Variants in BPTF observed in about 807,000 individuals in gnomAD.
The protein encoded by BPTF is nucleosome-remodeling factor subunit BPTF.
In BPTF, 18 loss-of-function variants were observed where a neutral mutation model predicts 292.5. That is an observed-to-expected ratio of 0.06 (90% CI 0.04 to 0.09). The LOEUF (loss-of-function observed/expected upper bound fraction) is 0.09, where lower values mean the gene tolerates loss of function less well. Ranked by LOEUF, BPTF falls within the 10% of genes least tolerant of loss-of-function variation. BPTF has a pLI of 1.00. For synonymous variants in BPTF, 1,225 were observed against 1,251.9 expected, an observed-to-expected ratio of 0.98 and a Z score of 0.45; for missense variants, 2,726 against 3,498.7, an observed-to-expected ratio of 0.78 and a Z score of 5.57.
chr17:67,903,993 C>T (rs1427956276), intron 8 of BPTF, 75 bp downstream of exon 8: 9 of 1,229,676 alleles, frequency 7.3e-6, no homozygotes, highest in Non-Finnish European at 9.1e-6. Context: ...TGAATACTTA[C>T]TAATTTTATT....
intron 8 of BPTF, 55 bp from the exon 9 acceptor site, chr17:67,904,647 G>C (rs1387420609): frequency 7.4e-7 from 1 of 1,344,550 alleles, no homozygotes; most frequent in Non-Finnish European, 1.0e-6. Context: ...ACCACATGTG[G>C]TTTATAAGCA....
Position 67,825,992 on chromosome 17 carries a change from C to T in BPTF, c.268C>T (p.Pro90Ser). ...GCCGGCCCCCCCCAGCACCAGCGCC[C>T]CGGGCCGGGGGGGGCGAGGAGGCGG... ...PPPAPPSTSA[P>S]GRGGRGGGGG... Residue 90 changes from proline to serine, a missense_variant, in exon 1 of 28, where the codon CCG (proline) becomes TCG (serine). Transcript: ENST00000306378. 1.8e-6 allele frequency: 2 copies of T among 1,115,042 alleles called. No homozygotes were observed. Among genetic ancestry groups the T allele is most frequent in the Middle Eastern group, 3.8e-4 (1 of 2,602 alleles). The allele number at this position is 1,115,042 out of a possible 1,614,324, so 69.1% of individuals were successfully genotyped here. A position where few individuals can be genotyped will look rare whatever the true frequency, so the allele number is the denominator to read the frequency against.
chr17:67,939,650 G>T (rs1468056007), intron 18 of BPTF, among the ~76,000 whole-genome samples: 1 of 152,156 alleles, frequency 6.6e-6, no homozygotes, highest in African/African-American at 2.4e-5. Flanking sequence ...GGCCAAGGCG[G>T]GTGGATCACG....
chr17:67,829,481 C>CG (rs1476076490), intron 1 of BPTF, among the ~76,000 whole-genome samples: 4 of 151,260 alleles, frequency 2.6e-5, no homozygotes, highest in African/African-American at 7.3e-5. Context: ...CCCCACCCCC[C>CG]GGATGTGACA....
chr17:67,893,477 G>T lies in BPTF; in HGVS notation c.2163G>T (p.Lys721Asn). Reference protein sequence around the residue: ...NNYFKLGQEGKYRVYHNQYST... With the variant: ...NNYFKLGQEGNYRVYHNQYST... ...ATTTTAAATTGGGTCAAGAAGGGAAGTATCGCGTCTACCACAATCAATACT... is the reference window on the plus strand; with the variant it reads ...ATTTTAAATTGGGTCAAGAAGGGAATTATCGCGTCTACCACAATCAATACT... Residue 721 changes from lysine (K) to asparagine (N), a missense_variant, in exon 6 of 28, where the codon AAG becomes AAT. Physicochemically the swap from Lys to Asn is moderately conservative, Grantham distance 94 (BLOSUM62 0). Around this residue, in one of 22 missense-constraint regions of BPTF, gnomAD observed 63 missense variants for 84.1 expected, o/e 0.75. Coordinates refer to ENST00000306378, the MANE Select transcript of BPTF (RefSeq NM_182641.4). 1 of 1,614,142 alleles carries T rather than the reference G, an allele frequency of 6.2e-7. No homozygotes were observed. Among genetic ancestry groups the T allele is most frequent in the South Asian group, 1.1e-5 (1 of 91,082 alleles).
intron 20 of BPTF, 58 bp from the exon 21 acceptor site, chr17:67,945,351 T>G: frequency 6.5e-7 from 1 of 1,547,356 alleles, no homozygotes; most frequent in Non-Finnish European, 8.7e-7. Context: ...CAGATTCTTC[T>G]TTAACCACAG....
Position 67,826,123 on chromosome 17 carries a change from G to A in BPTF, c.399G>A (p.Glu133=), listed in dbSNP as rs2055996197. 1.4e-6 allele frequency: 2 copies of A among 1,426,090 alleles called. No individual in the cohort carries two copies. The highest frequency in any genetic ancestry group is 2.0e-6 in the Non-Finnish European group (2 of 1,016,384). The allele number at this position is 1,426,090 out of a possible 1,614,324, so 88.3% of individuals were successfully genotyped here. A position where few individuals can be genotyped will look rare whatever the true frequency, so the allele number is the denominator to read the frequency against. ...KVVYDDHESE[E]EEEEEDMVSE... is the part of the protein sequence containing the mutation. ...TGTACGATGACCACGAGAGCGAGGA[G>A]GAGGAGGAAGAGGAGGACATGGTCT... Residue 133 remains glutamate, a synonymous_variant, in exon 1 of 28, where the codon GAG becomes GAA. Transcript: ENST00000306378.
chr17:67,959,821 C>T lies in BPTF; in HGVS notation c.8207C>T (p.Thr2736Ile). 6.2e-7 allele frequency: 1 copy of T among 1,613,554 alleles called. No homozygotes were observed. Among genetic ancestry groups the T allele is most frequent in the Non-Finnish European group, 8.5e-7 (1 of 1,179,840 alleles). ...ATGATCTCTACTACCTCAAAGGAAA[C>T]TAAGAAGGACACAAAGCTTTACTGT... ...KKMISTTSKETKKDTKLYCIC... is the reference protein window; with the variant it reads ...KKMISTTSKEIKKDTKLYCIC... Residue 2736 changes from threonine (T) to isoleucine (I), a missense_variant, in exon 24 of 28, where the codon ACT becomes ATT. Around this residue, in one of 22 missense-constraint regions of BPTF, gnomAD observed 148 missense variants for 145.5 expected, o/e 1.02. Transcript: ENST00000306378.
At position 67,976,716 on chromosome 17, in the gene BPTF, T is replaced by TAC. The variant is rs150259187; in HGVS notation, c.8726+759_8726+760insCA. ...AAAAAAAAAAAAAAAAAAAAAAAAATAAGAATAAAAGAAGAATTTCCTGAG... is the reference window on the plus strand; with the variant it reads ...AAAAAAAAAAAAAAAAAAAAAAAAATACAAGAATAAAAGAAGAATTTCCTGAG... On this transcript the variant is annotated intron_variant, in intron 27 of 27. Coordinates refer to ENST00000306378, the MANE Select transcript of BPTF (RefSeq NM_182641.4). Among the ~76,000 whole-genome samples, 18 of 128,498 alleles carry TAC rather than the reference T, an allele frequency of 1.4e-4. 1 individual carries two copies. Among genetic ancestry groups the TAC allele is most frequent in the Admixed American group, 5.1e-4 (6 of 11,802 alleles). The allele number at this position is 128,498 out of a possible 152,430, so 84.3% of individuals were successfully genotyped here.
intron 25 of BPTF, chr17:67,965,547 T>A (rs1449240656): frequency 1.7e-5 from 2 of 118,740 alleles, no homozygotes; most frequent in African/African-American, 3.2e-5. Context: ...AAAAATTTTT[T>A]AAAAATCAGC....
intron 3 of BPTF, among the ~76,000 whole-genome samples, chr17:67,871,441 C>CAAA (rs751011017): frequency 6.9e-4 from 55 of 79,988 alleles, no homozygotes; most frequent in African/African-American, 1.6e-3. Flanking sequence ...ACTTTGTCTC[C>CAAA]AAAAAAAAAA....
intron 2 of BPTF, among the ~76,000 whole-genome samples, chr17:67,864,989 G>C (rs1340103346): frequency 6.6e-6 from 1 of 151,964 alleles, no homozygotes; most frequent in Non-Finnish European, 1.5e-5. Context: ...TGTATTTTTA[G>C]TAGAGACCGG....
chr17:67,852,300 A>G (rs1219741077), intron 1 of BPTF, among the ~76,000 whole-genome samples: 1 of 152,100 alleles, frequency 6.6e-6, no homozygotes, highest in East Asian at 1.9e-4. Context: ...AAAATTTTAT[A>G]ACGAAAATAC....
At chr17:67,842,139 T>G (rs1567876671) in intron 1 of BPTF, among the ~76,000 whole-genome samples, 1 of 152,166 alleles carries the variant, frequency 6.6e-6, no homozygotes. Flanking sequence ...TTTATACACT[T>G]TCAATATATG....
chr17:67,878,482 G>A (rs890397945), intron 4 of BPTF, among the ~76,000 whole-genome samples: 8 of 152,154 alleles, frequency 5.3e-5, no homozygotes, highest in African/African-American at 1.9e-4. Flanking sequence ...TTCCACAGGG[G>A]TTGTAGAAGT....
chr17:67,884,116 C>T (rs1246347230), intron 4 of BPTF, among the ~76,000 whole-genome samples: 1 of 150,666 alleles, frequency 6.6e-6, no homozygotes, highest in Non-Finnish European at 1.5e-5. Flanking sequence ...CAACCAATGC[C>T]CTATTGATGG....
In BPTF at chr17:67,891,768, G is replaced by A. The variant is rs572716953; in HGVS notation, c.1865-76G>A. 8 of 1,134,908 alleles carry A rather than the reference G, an allele frequency of 7.0e-6. No homozygotes were observed. In the African/African-American group the frequency reaches 8.0e-5, roughly 11 times the overall value. The allele number at this position is 1,134,908 out of a possible 1,614,324, so 70.3% of individuals were successfully genotyped here. On this transcript the variant is annotated intron_variant, in intron 4 of 27. Transcript: ENST00000306378. ...TGGATCTTACACATACACCAGATAC[G>A]AGTTTTGGTGAAATAAGGTGGTTAT...
At chr17:67,932,803 TA>T (rs985864496) in intron 18 of BPTF, among the ~76,000 whole-genome samples, 38 of 147,406 alleles carry the variant, frequency 2.6e-4, no homozygotes, top group African/African-American at 8.5e-4. Flanking sequence ...CTACAAAAGA[TA>T]AAAAAACTAG....
chr17:67,981,424 C>G (rs1349294304), intron 27 of BPTF: 2 of 1,171,838 alleles, frequency 1.7e-6, no homozygotes, highest in Non-Finnish European at 2.2e-6. Flanking sequence ...CATATTCTTT[C>G]TTTTCTTACA....
Sources: allele counts gnomAD v4.1 joint callset (sites outside exome capture counted in the v4.1 genomes callset), GRCh38; gene constraint gnomAD v4.1.1; regional missense constraint gnomAD v4.1.1; transcripts MANE v1.5; gene names NCBI Gene and HGNC (gene_info 2026-07-23, HGNC 2026-07-21).